The following CTNNA2 variants were observed in gnomAD, a reference collection of about 807,000 sequenced individuals.
CTNNA2 encodes the protein catenin alpha 2, also known as catenin alpha-2.
CTNNA2 carries 42 observed loss-of-function variants against 101.0 expected under a neutral mutation model. The ratio of observed to expected loss-of-function variants is 0.42; its 90% CI spans 0.32 to 0.54. The LOEUF is 0.54. Among genes scored for constraint, CTNNA2 ranks in the 20% least tolerant of loss-of-function variants. The pLI, the probability that CTNNA2 is intolerant of heterozygous loss-of-function variation, is 0.14. For synonymous variants in CTNNA2, 450 were observed against 456.4 expected (o/e 0.99, Z 0.18); for missense variants, 871 against 1,223.1 (o/e 0.71, Z 4.29).
intron 2 of CTNNA2, among the ~76,000 whole-genome samples, chr2:79,694,874 C>T (rs950410612): frequency 2.0e-5 from 3 of 151,848 alleles, no homozygotes; most frequent in Non-Finnish European, 4.4e-5. Flanking sequence ...ACAGATCCTC[C>T]TTTGCTCAGT....
chr2:80,271,028 A>G (rs1673423722), intron 7 of CTNNA2, among the ~76,000 whole-genome samples: 1 of 152,202 alleles, frequency 6.6e-6, no homozygotes, highest in Non-Finnish European at 1.5e-5. Flanking sequence ...ACACAAGATC[A>G]GTTTGACCTG....
intron 3 of CTNNA2, among the ~76,000 whole-genome samples, chr2:79,314,851 A>G (rs1294092003): frequency 1.3e-5 from 2 of 152,154 alleles, no homozygotes; most frequent in African/African-American, 4.8e-5. Flanking sequence ...ACTTTCTGAT[A>G]CCCAGGTATG....
chr2:79,439,952 A>T (rs956057461), intron 4 of CTNNA2, among the ~76,000 whole-genome samples: 1 of 152,122 alleles, frequency 6.6e-6, no homozygotes, highest in African/African-American at 2.4e-5. Context: ...GCGAAGGTAA[A>T]CTATTAGATT....
At chr2:79,785,083 G>A (rs1227068830) in intron 3 of CTNNA2, among the ~76,000 whole-genome samples, 1 of 152,126 alleles carries the variant, frequency 6.6e-6, no homozygotes, top group Non-Finnish European at 1.5e-5. Context: ...CTCTTAACCG[G>A]ATCCTGGGGA....
At chr2:79,236,461 T>C (rs1674558866) in intron 2 of CTNNA2, among the ~76,000 whole-genome samples, 1 of 152,330 alleles carries the variant, frequency 6.6e-6, no homozygotes, top group East Asian at 1.9e-4. Context: ...GTGGAGGGTC[T>C]TGCTTCAATG....
intron 3 of CTNNA2, among the ~76,000 whole-genome samples, chr2:79,776,013 C>A (rs960626884): frequency 2.6e-5 from 4 of 152,176 alleles, no homozygotes; most frequent in African/African-American, 7.2e-5. Flanking sequence ...ATGAATTATA[C>A]ATAGGCAAGA....
At chr2:80,063,705 AT>A (rs1435292581) in intron 7 of CTNNA2, among the ~76,000 whole-genome samples, 2 of 152,258 alleles carry the variant, frequency 1.3e-5, no homozygotes, top group Non-Finnish European at 2.9e-5. Flanking sequence ...GACAATGTGT[AT>A]CTTACAGCAT....
chr2:80,055,859 A>C (rs1697183644), intron 7 of CTNNA2, among the ~76,000 whole-genome samples: 1 of 152,144 alleles, frequency 6.6e-6, no homozygotes, highest in African/African-American at 2.4e-5. Context: ...TGCGTCCCAA[A>C]CTGGCCAAAC....
Position 80,647,948 on chromosome 2 carries a change from C to A in CTNNA2, c.*76C>A. ...TTCTTTTTAATTCCATTTTTGTATGCATACCTGCCAGCTCGTATGCCTCTG... is the reference window on the plus strand; with the variant it reads ...TTCTTTTTAATTCCATTTTTGTATGAATACCTGCCAGCTCGTATGCCTCTG... On this transcript the variant is annotated 3_prime_UTR_variant, in exon 19 of 19. Transcript: ENST00000402739. 7.2e-7 allele frequency: 1 copy of A among 1,392,406 alleles called. No homozygotes were observed. Among genetic ancestry groups the A allele is most frequent in the Non-Finnish European group, 9.7e-7 (1 of 1,029,384 alleles). The allele number at this position is 1,392,406 out of a possible 1,614,324, so 86.3% of individuals were successfully genotyped here.
intron 9 of CTNNA2, among the ~76,000 whole-genome samples, chr2:80,437,439 A>T (rs560225599): frequency 6.6e-6 from 1 of 152,324 alleles, no homozygotes; most frequent in East Asian, 1.9e-4. Flanking sequence ...GATCAACTTT[A>T]TTATTTTTTA....
chr2:80,484,802 C>A (rs560891168), intron 9 of CTNNA2, among the ~76,000 whole-genome samples: 6 of 152,044 alleles, frequency 3.9e-5, no homozygotes, highest in Admixed American at 2.0e-4. Flanking sequence ...GTCCGGAGAT[C>A]GAGACCATCC....
intron 3 of CTNNA2, among the ~76,000 whole-genome samples, chr2:79,749,577 TCTC>T (rs560125254): frequency 3.8e-4 from 58 of 152,274 alleles, no homozygotes; most frequent in African/African-American, 1.3e-3. Flanking sequence ...ATTTCTTTCT[TCTC>T]CTGAGGCACT....
At chr2:79,209,660 C>A (rs555211920) in intron 2 of CTNNA2, among the ~76,000 whole-genome samples, 63 of 120,074 alleles carry the variant, frequency 5.2e-4, no homozygotes, top group Admixed American at 1.8e-4. Flanking sequence ...TGTAGTTAAC[C>A]AGACGCACCA....
intron 4 of CTNNA2, among the ~76,000 whole-genome samples, chr2:79,432,698 A>G (rs539892024): frequency 6.6e-6 from 1 of 152,186 alleles, no homozygotes; most frequent in Non-Finnish European, 1.5e-5. Context: ...TTAGCTTTAG[A>G]GATCTGTGAG....
intron 7 of CTNNA2, among the ~76,000 whole-genome samples, chr2:80,279,245 A>C (rs1674175359): frequency 6.6e-6 from 1 of 152,078 alleles, no homozygotes. Context: ...AGCTCTGGCC[A>C]GCCCACCTTT....
In CTNNA2 at chr2:79,576,929, C is replaced by G. The variant is rs564450570; in HGVS notation, c.-6+63722C>G. On this transcript the variant is annotated intron_variant, in intron 1 of 18. Transcript: ENST00000402739. ...CATAACATCCAGTTTAACATAAACA[C>G]GTTTTACTTAAGTTAGTGAAAATGT... Among the ~76,000 whole-genome samples the G allele has an allele frequency of 2.1e-4, 32 of 152,154 alleles. No homozygotes were observed. In the South Asian group the frequency reaches 3.9e-3, roughly 19 times the overall value.
At chr2:79,720,050 A>C (rs1350942075) in intron 2 of CTNNA2, among the ~76,000 whole-genome samples, 1 of 152,098 alleles carries the variant, frequency 6.6e-6, no homozygotes, top group Non-Finnish European at 1.5e-5. Context: ...TCTTTAGTCC[A>C]TCTTAAGTTA....
chr2:79,342,726 C>T (rs942089855), intron 3 of CTNNA2, among the ~76,000 whole-genome samples: 1 of 152,060 alleles, frequency 6.6e-6, no homozygotes, highest in Non-Finnish European at 1.5e-5. Context: ...CAAATGCATC[C>T]CTACCTGCAG....
At chr2:79,470,360 A>T (rs1331508872) in intron 4 of CTNNA2, among the ~76,000 whole-genome samples, 1 of 152,188 alleles carries the variant, frequency 6.6e-6, no homozygotes, top group Non-Finnish European at 1.5e-5. Context: ...AACAATAAAA[A>T]GCTTTTCTCG....
Sources: gnomAD v4.1 joint callset for allele counts (sites outside exome capture counted in the v4.1 genomes callset) on GRCh38, gnomAD v4.1.1 for gene constraint, MANE v1.5 for transcripts, NCBI Gene and HGNC (gene_info 2026-07-23, HGNC 2026-07-21) for gene names.